The following CSMD1 variants were observed in gnomAD, a reference collection of about 807,000 sequenced individuals.
The protein encoded by CSMD1 is CUB and Sushi multiple domains 1.
In CSMD1, 213 loss-of-function variants were observed where a neutral mutation model predicts 417.5. The observed-to-expected ratio is 0.51, with a 90% CI of 0.46 to 0.57. CSMD1 has a LOEUF of 0.57. CSMD1 is among the 20% of genes least tolerant of loss of function. The probability of loss-of-function intolerance (pLI) is 0.00; values close to 1 mark genes in which losing one functional copy is unlikely to be tolerated. For missense variants in CSMD1, 6,923 were observed against 4,529.7 expected (o/e 1.53, Z -15.17); for synonymous variants, 2,862 against 1,736.8 (o/e 1.65, Z -16.11).
At chr8:4,051,889 T>TCCTTTCG (rs1798449125) in intron 3 of CSMD1, among the ~76,000 whole-genome samples, 1 of 23,780 alleles carries the variant, frequency 4.2e-5, no homozygotes, top group South Asian at 1.3e-3. Flanking sequence ...TCTTCCTTCC[T>TCCTTTCG]TCCTTCCTTC....
chr8:3,760,577 C>G (rs1256766171), intron 5 of CSMD1, among the ~76,000 whole-genome samples: 1 of 152,236 alleles, frequency 6.6e-6, no homozygotes, highest in Non-Finnish European at 1.5e-5. Flanking sequence ...ATTGTTCTAA[C>G]ATTTTACAGC....
chr8:2,999,315 C>T (rs1585120194), intron 53 of CSMD1, among the ~76,000 whole-genome samples: 1 of 151,988 alleles, frequency 6.6e-6, no homozygotes, highest in South Asian at 2.1e-4. Context: ...GCCACCATGC[C>T]AGGCTAATTA....
intron 5 of CSMD1, among the ~76,000 whole-genome samples, chr8:3,981,621 G>A (rs759565920): frequency 6.7e-6 from 1 of 148,914 alleles, no homozygotes; most frequent in African/African-American, 2.5e-5. Flanking sequence ...GAGCAGTATT[G>A]TTCCCTTTGA....
At chr8:3,222,067 T>C (rs1176375846) in intron 28 of CSMD1, among the ~76,000 whole-genome samples, 1 of 152,130 alleles carries the variant, frequency 6.6e-6, no homozygotes, top group Non-Finnish European at 1.5e-5. Flanking sequence ...CTTGAGCACA[T>C]GCAAACTCCA....
At chr8:4,075,146 G>A (rs951499690) in intron 3 of CSMD1, among the ~76,000 whole-genome samples, 6 of 152,120 alleles carry the variant, frequency 3.9e-5, no homozygotes, top group African/African-American at 1.4e-4. Flanking sequence ...GAAAAACTAA[G>A]CAGGATTAAA....
At chr8:2,982,088 G>A (rs1805471372) in intron 54 of CSMD1, among the ~76,000 whole-genome samples, 1 of 152,150 alleles carries the variant, frequency 6.6e-6, no homozygotes, top group Non-Finnish European at 1.5e-5. Context: ...AGGTGCGGTG[G>A]CTCACACCTG....
At chr8:4,864,252 T>C (rs1172246169) in intron 1 of CSMD1, among the ~76,000 whole-genome samples, 1 of 151,778 alleles carries the variant, frequency 6.6e-6, no homozygotes. Context: ...ACTTAGCATT[T>C]TGAGAAATAC....
chr8:4,542,678 G>A (rs1342713748), intron 2 of CSMD1, among the ~76,000 whole-genome samples: 3 of 152,016 alleles, frequency 2.0e-5, no homozygotes, highest in African/African-American at 4.8e-5. Flanking sequence ...TATCTTATGC[G>A]GCAGAAGATA....
chr8:4,571,077 T>C (rs1454957359), intron 2 of CSMD1, among the ~76,000 whole-genome samples: 2 of 152,144 alleles, frequency 1.3e-5, no homozygotes, highest in African/African-American at 4.8e-5. Flanking sequence ...AATTTGTTAA[T>C]CATTTCAGAA....
At chr8:3,721,270 G>A (rs1213436955) in intron 6 of CSMD1, among the ~76,000 whole-genome samples, 1 of 152,022 alleles carries the variant, frequency 6.6e-6, no homozygotes, top group Non-Finnish European at 1.5e-5. Flanking sequence ...AAGCAGCAAT[G>A]CCCCTCAAGG....
intron 5 of CSMD1, among the ~76,000 whole-genome samples, chr8:3,939,442 G>A (rs552206966): frequency 6.6e-6 from 1 of 152,088 alleles, no homozygotes; most frequent in Non-Finnish European, 1.5e-5. Context: ...TACTATGAAA[G>A]ACAGTACGGA....
intron 7 of CSMD1, among the ~76,000 whole-genome samples, chr8:3,644,407 G>T (rs1024030624): frequency 6.6e-6 from 1 of 152,170 alleles, no homozygotes; most frequent in Middle Eastern, 3.2e-3. Flanking sequence ...TGGAAGCCTC[G>T]CATTTACAGT....
chr8:4,593,464 T>C (rs1307989041), intron 2 of CSMD1, among the ~76,000 whole-genome samples: 1 of 152,168 alleles, frequency 6.6e-6, no homozygotes, highest in Non-Finnish European at 1.5e-5. Context: ...GGCCATTTAG[T>C]GAAAGTGAAA....
intron 1 of CSMD1, among the ~76,000 whole-genome samples, chr8:4,786,727 C>T (rs1406502179): frequency 1.3e-5 from 2 of 152,004 alleles, no homozygotes; most frequent in African/African-American, 4.8e-5. Context: ...TGAAAGTAGT[C>T]CATTATCTTT....
At chr8:4,228,992 C>T (rs1381195392) in intron 3 of CSMD1, among the ~76,000 whole-genome samples, 1 of 152,088 alleles carries the variant, frequency 6.6e-6, no homozygotes, top group Admixed American at 6.6e-5. Context: ...AAAGCGCGAA[C>T]CTGGACTTTT....
At chr8:4,618,289 C>T (rs1255273266) in intron 2 of CSMD1, among the ~76,000 whole-genome samples, 4 of 94,808 alleles carry the variant, frequency 4.2e-5, no homozygotes, top group Non-Finnish European at 8.5e-5. Flanking sequence ...TATTGCTAAG[C>T]TCAGCCATGT....
intron 26 of CSMD1, among the ~76,000 whole-genome samples, chr8:3,273,274 G>T (rs1263725056): frequency 1.3e-5 from 2 of 151,950 alleles, no homozygotes; most frequent in Admixed American, 6.6e-5. Context: ...GCATCCCAGG[G>T]ATGAAGCCCA....
At chr8:4,128,613 T>C (rs1055644234) in intron 3 of CSMD1, among the ~76,000 whole-genome samples, 7 of 152,176 alleles carry the variant, frequency 4.6e-5, no homozygotes, top group African/African-American at 1.4e-4. Context: ...ACAAAGCCCA[T>C]GCTTGCTTTT....
At chr8:3,215,445 T>G (rs530171823) in intron 29 of CSMD1, among the ~76,000 whole-genome samples, 1 of 152,312 alleles carries the variant, frequency 6.6e-6, no homozygotes, top group Admixed American at 6.5e-5. Flanking sequence ...ATTTCTTGTT[T>G]AATTCTAATC....
Sources: allele counts gnomAD v4.1 joint callset (sites outside exome capture counted in the v4.1 genomes callset), GRCh38; gene constraint gnomAD v4.1.1; transcripts MANE v1.5; gene names NCBI Gene and HGNC (gene_info 2026-07-23, HGNC 2026-07-21).